The following CHST3 variants were observed in gnomAD, a reference collection of about 807,000 sequenced individuals.
The protein encoded by CHST3 is C6ST-1.
In CHST3, 20 loss-of-function variants were observed where a neutral mutation model predicts 35.4. The ratio of observed to expected loss-of-function variants is 0.57; its 90% confidence interval spans 0.40 to 0.82. The LOEUF is 0.82. CHST3 is among the 40% of genes least tolerant of loss of function. The probability of loss-of-function intolerance (pLI) is 0.00; values close to 1 mark genes in which losing one functional copy is unlikely to be tolerated. For synonymous variants in CHST3, 334 were observed against 295.9 expected (o/e 1.13, Z -1.32); for missense variants, 693 against 670.1 (o/e 1.03, Z -0.38).
chr10:71,971,359 T>C (rs1839693204), intron 1 of CHST3, among the ~76,000 whole-genome samples: 1 of 152,222 alleles, frequency 6.6e-6, no homozygotes, highest in Non-Finnish European at 1.5e-5. Flanking sequence ...ATTGGGCTTC[T>C]GAAAAAAGTT....
Position 72,008,345 on chromosome 10 carries a change from G to C in CHST3, c.1314G>C (p.Gln438His). The change falls in exon 3 of 3, where the codon CAG becomes CAC. Residue 438 changes from glutamine (Q) to histidine (H), a missense_variant. Physicochemically the swap from Gln to His is conservative, Grantham distance 24. Coordinates refer to ENST00000373115, the MANE Select transcript of CHST3 (RefSeq NM_004273.5). The part of the protein sequence containing the change: ...WRFSMPFKLA[Q>H]VVQAACGPAM... ...TCAGCATGCCCTTCAAGCTGGCCCAGGTGGTGCAGGCCGCCTGCGGCCCTG... is the reference window on the plus strand; with the variant it reads ...TCAGCATGCCCTTCAAGCTGGCCCACGTGGTGCAGGCCGCCTGCGGCCCTG... 6.4e-7 allele frequency: 1 copy of C among 1,569,818 alleles called. No individual in the cohort carries two copies. Among genetic ancestry groups the C allele is most frequent in the Non-Finnish European group, 8.6e-7 (1 of 1,158,088 alleles).
At chr10:71,975,365 G>T (rs1839735133) in intron 1 of CHST3, among the ~76,000 whole-genome samples, 1 of 152,206 alleles carries the variant, frequency 6.6e-6, no homozygotes, top group Non-Finnish European at 1.5e-5. Context: ...TGTGCTCTTA[G>T]CCACTCTGCC....
intron 1 of CHST3, among the ~76,000 whole-genome samples, chr10:71,988,110 T>C (rs1308268865): frequency 6.6e-6 from 1 of 152,138 alleles, no homozygotes; most frequent in Non-Finnish European, 1.5e-5. Flanking sequence ...AAAAGGTTGA[T>C]GATTGATAAA....
At chr10:71,990,248 C>A (rs1839885064) in intron 1 of CHST3, among the ~76,000 whole-genome samples, 1 of 152,164 alleles carries the variant, frequency 6.6e-6, no homozygotes, top group South Asian at 2.1e-4. Flanking sequence ...AGTCCAAAAT[C>A]AAGGAGCCAG....
At chr10:71,978,353 G>A (rs1241061725) in intron 1 of CHST3, among the ~76,000 whole-genome samples, 5 of 150,868 alleles carry the variant, frequency 3.3e-5, no homozygotes, top group Non-Finnish European at 5.9e-5. Flanking sequence ...GCGATAGACC[G>A]AGCCTCCGTC....
chr10:71,974,125 C>G (rs1031336781), intron 1 of CHST3, among the ~76,000 whole-genome samples: 2 of 152,214 alleles, frequency 1.3e-5, no homozygotes, highest in African/African-American at 4.8e-5. Flanking sequence ...GTGCCTGGCA[C>G]ACTGAGCATC....
At chr10:71,980,544 C>T (rs143855828) in intron 1 of CHST3, among the ~76,000 whole-genome samples, 25 of 152,330 alleles carry the variant, frequency 1.6e-4, no homozygotes, top group Middle Eastern at 3.4e-3. Context: ...GATTTTCAAA[C>T]GTTCGTGTGC....
chr10:71,986,179 T>G (rs1435820992), intron 1 of CHST3, among the ~76,000 whole-genome samples: 1 of 152,234 alleles, frequency 6.6e-6, no homozygotes, highest in Non-Finnish European at 1.5e-5. Flanking sequence ...CTAGTGTGTG[T>G]GCAGGCAGCA....
intron 1 of CHST3, among the ~76,000 whole-genome samples, chr10:71,970,193 G>A (rs1436346654): frequency 4.6e-5 from 7 of 152,102 alleles, no homozygotes; most frequent in Admixed American, 3.3e-4. Flanking sequence ...GGCCCCGGGA[G>A]CCCCTGACCA....
chr10:71,993,930 T>C (rs1839918655), intron 1 of CHST3, among the ~76,000 whole-genome samples: 1 of 152,134 alleles, frequency 6.6e-6, no homozygotes, highest in Non-Finnish European at 1.5e-5. Flanking sequence ...TGAAACCCTG[T>C]CTCTGCTAAA....
intron 1 of CHST3, among the ~76,000 whole-genome samples, chr10:71,986,277 A>T (rs1839846395): frequency 6.6e-6 from 1 of 152,184 alleles, no homozygotes. Flanking sequence ...CTAGGTTAGA[A>T]TCACCTAAGG....
rs749977155 is a variant in CHST3, at chr10:72,007,768, A to G, written c.737A>G (p.His246Arg). 1.2e-6 allele frequency: 2 copies of G among 1,601,414 alleles called. No individual in the cohort carries two copies. Among genetic ancestry groups the G allele is most frequent in the South Asian group, 2.2e-5 (2 of 91,030 alleles). Residue 246 changes from histidine (H) to arginine (R), a missense_variant, in exon 3 of 3, where the codon CAC becomes CGC. Coordinates refer to ENST00000373115, the MANE Select transcript of CHST3 (RefSeq NM_004273.5). ...GTCAAGAAGGTCTTCGAGAAGTACC[A>G]CTGCAAGAACCGCCGCTGCGGCCCC... is the stretch of plus-strand genomic sequence containing the variant. ...PFVKKVFEKY[H>R]CKNRRCGPLN...
At chr10:71,984,663 G>A (rs897086579) in intron 1 of CHST3, among the ~76,000 whole-genome samples, 1 of 152,174 alleles carries the variant, frequency 6.6e-6, no homozygotes, top group Non-Finnish European at 1.5e-5. Context: ...TTTAACTCAG[G>A]GTAAGTTTTC....
chr10:71,977,880 G>C (rs1256580226), intron 1 of CHST3, among the ~76,000 whole-genome samples: 1 of 152,140 alleles, frequency 6.6e-6, no homozygotes, highest in Non-Finnish European at 1.5e-5. Context: ...ATGTTGGCCA[G>C]GCTGATTTTT....
In CHST3 at chr10:72,007,825, G is replaced by A; in HGVS notation, c.794G>A (p.Arg265His). 1.2e-6 allele frequency: 2 copies of A among 1,603,724 alleles called. No individual in the cohort carries two copies. The highest frequency in any genetic ancestry group is 1.1e-5 in the South Asian group (1 of 90,920). Reference sequence around the variant, plus strand: ...GTGACGCTGGCCGCAGAGGCCTGCCGCCGCAAGGAGCACATGGCCCTCAAG... The same window carrying A: ...GTGACGCTGGCCGCAGAGGCCTGCCACCGCAAGGAGCACATGGCCCTCAAG... ...LNVTLAAEACRRKEHMALKAV... is the reference protein window; with the variant it reads ...LNVTLAAEACHRKEHMALKAV... Residue 265 changes from arginine (R) to histidine (H), a missense_variant, in exon 3 of 3, where the codon CGC becomes CAC. Arg to His is a conservative substitution (Grantham distance 29). Transcript: ENST00000373115.
intron 1 of CHST3, among the ~76,000 whole-genome samples, chr10:72,005,411 C>G (rs1287060841): frequency 6.6e-6 from 1 of 152,130 alleles, no homozygotes; most frequent in Non-Finnish European, 1.5e-5. Context: ...GGATGCTCCA[C>G]CATTTTCATT....
intron 1 of CHST3, among the ~76,000 whole-genome samples, chr10:72,003,249 G>A (rs115328746): frequency 0.021 from 3,189 of 152,282 alleles, 95 homozygotes; most frequent in African/African-American, 0.06. Context: ...TGCAAGCCCC[G>A]GGAGGGCACA....
intron 1 of CHST3, among the ~76,000 whole-genome samples, chr10:71,972,270 C>T (rs540410816): frequency 1.1e-4 from 16 of 152,284 alleles, no homozygotes; most frequent in African/African-American, 2.9e-4. Flanking sequence ...ACCACCTGTG[C>T]GTGCGTCTGT....
intron 1 of CHST3, among the ~76,000 whole-genome samples, chr10:71,999,345 G>A (rs1306000383): frequency 6.6e-6 from 1 of 152,218 alleles, no homozygotes; most frequent in African/African-American, 2.4e-5. Context: ...GCAACAAGGT[G>A]GGGGCAGCCT....
Sources: gnomAD v4.1 joint callset for allele counts (sites outside exome capture counted in the v4.1 genomes callset) on GRCh38, gnomAD v4.1.1 for gene constraint, MANE v1.5 for transcripts, NCBI Gene and HGNC (gene_info 2026-07-23, HGNC 2026-07-21) for gene names.